Variants in DCC observed in about 807,000 individuals in gnomAD.
DCC encodes DCC netrin 1 receptor.
In DCC, 58 loss-of-function variants were observed where a neutral mutation model predicts 172.5. The ratio of observed to expected loss-of-function variants is 0.34; its 90% CI spans 0.27 to 0.42. DCC has a LOEUF of 0.42. DCC is among the 10% of genes least tolerant of loss of function. The pLI, the probability that DCC is intolerant of heterozygous loss-of-function variation, is 1.00. For synonymous variants in DCC, 709 were observed against 644.5 expected, an observed-to-expected ratio of 1.10 and a Z score of -1.52; for missense variants, 1,740 against 1,791.0, an observed-to-expected ratio of 0.97 and a Z score of 0.51.
intron 5 of DCC, among the ~76,000 whole-genome samples, chr18:52,928,445 A>T (rs1391976700): frequency 2.0e-5 from 3 of 152,206 alleles, no homozygotes; most frequent in Non-Finnish European, 4.4e-5. Flanking sequence ...ATAAAAGTTT[A>T]AAAAATTGAC....
intron 1 of DCC, among the ~76,000 whole-genome samples, chr18:52,686,453 A>G (rs143413514): frequency 6.6e-6 from 1 of 152,228 alleles, no homozygotes; most frequent in East Asian, 1.9e-4. Context: ...CCAAAGAAAC[A>G]CAACAGTATC....
At chr18:53,066,996 C>T (rs763886998) in intron 7 of DCC, among the ~76,000 whole-genome samples, 2 of 152,072 alleles carry the variant, frequency 1.3e-5, no homozygotes, top group Non-Finnish European at 2.9e-5. Flanking sequence ...AACTCAGTCA[C>T]TATCAGGAGA....
intron 12 of DCC, among the ~76,000 whole-genome samples, chr18:53,304,950 A>AG (rs1262813828): frequency 2.0e-5 from 3 of 152,176 alleles, no homozygotes; most frequent in Non-Finnish European, 4.4e-5. Flanking sequence ...AGGTAATTGA[A>AG]TCATGGGGGC....
At chr18:53,311,610 T>C (rs2057269771) in intron 13 of DCC, among the ~76,000 whole-genome samples, 1 of 152,244 alleles carries the variant, frequency 6.6e-6, no homozygotes, top group Non-Finnish European at 1.5e-5. Context: ...GTTATATAAC[T>C]TTGTAAAAGA....
At chr18:52,367,286 C>T (rs1292313390) in intron 1 of DCC, among the ~76,000 whole-genome samples, 2 of 152,226 alleles carry the variant, frequency 1.3e-5, no homozygotes, top group Non-Finnish European at 2.9e-5. Flanking sequence ...CGCGCCTCTC[C>T]CTCCACACCT....
intron 12 of DCC, among the ~76,000 whole-genome samples, chr18:53,254,829 T>G (rs1193097395): frequency 6.6e-6 from 1 of 152,106 alleles, no homozygotes; most frequent in Non-Finnish European, 1.5e-5. Context: ...TTATTAATGC[T>G]GTGCATCCAT....
intron 1 of DCC, among the ~76,000 whole-genome samples, chr18:52,669,041 C>T (rs1225190643): frequency 3.3e-5 from 5 of 152,058 alleles, no homozygotes; most frequent in Non-Finnish European, 7.4e-5. Flanking sequence ...ATCAGTCTCC[C>T]GGAGAATTTG....
At chr18:52,746,968 G>C (rs1015175583) in intron 1 of DCC, among the ~76,000 whole-genome samples, 2 of 151,134 alleles carry the variant, frequency 1.3e-5, no homozygotes, top group Non-Finnish European at 3.0e-5. Flanking sequence ...AGTGTAAGGG[G>C]AGGAGGAGGA....
chr18:52,926,743 T>C (rs560938532), intron 5 of DCC, among the ~76,000 whole-genome samples: 2 of 150,578 alleles, frequency 1.3e-5, no homozygotes, highest in South Asian at 2.1e-4. Flanking sequence ...GATAAACATA[T>C]GCAAATACTG....
At chr18:52,481,440 C>T (rs77061264) in intron 1 of DCC, among the ~76,000 whole-genome samples, 3,894 of 152,168 alleles carry the variant, frequency 0.026, 153 homozygotes, top group East Asian at 0.1. Flanking sequence ...GGGAAACTTA[C>T]ATTCCCTCTA....
intron 1 of DCC, among the ~76,000 whole-genome samples, chr18:52,737,130 T>C (rs1455718790): frequency 6.6e-6 from 1 of 152,206 alleles, no homozygotes; most frequent in Non-Finnish European, 1.5e-5. Context: ...GGAGACCATG[T>C]CTTTGCTTTG....
chr18:52,455,974 A>G (rs1988445029), intron 1 of DCC, among the ~76,000 whole-genome samples: 1 of 152,116 alleles, frequency 6.6e-6, no homozygotes, highest in Non-Finnish European at 1.5e-5. Flanking sequence ...GAAATATGAA[A>G]CAAACAAACA....
At chr18:53,285,783 C>A (rs1349193318) in intron 12 of DCC, among the ~76,000 whole-genome samples, 1 of 152,224 alleles carries the variant, frequency 6.6e-6, no homozygotes, top group Admixed American at 6.5e-5. Flanking sequence ...GAGACCGTAC[C>A]CTTCAAAGCC....
At chr18:52,491,418 G>T (rs1372264895) in intron 1 of DCC, among the ~76,000 whole-genome samples, 1 of 152,078 alleles carries the variant, frequency 6.6e-6, no homozygotes, top group Non-Finnish European at 1.5e-5. Context: ...GACATAATAT[G>T]TGAGCTAGGG....
intron 12 of DCC, among the ~76,000 whole-genome samples, chr18:53,233,437 C>T (rs140300982): frequency 2.0e-5 from 3 of 152,130 alleles, no homozygotes; most frequent in Non-Finnish European, 2.9e-5. Context: ...AGTTTTCAGT[C>T]TTTCTATACA....
At chr18:53,351,405 A>ATATATATACAGTATATATATAAAGTG (rs1568075127) in intron 15 of DCC, among the ~76,000 whole-genome samples, 2 of 12,000 alleles carry the variant, frequency 1.7e-4, no homozygotes, top group East Asian at 0.01. Context: ...TACAGTGTAT[A>ATATATATACAGTATATATATAAAGTG]TATATATATA....
intron 2 of DCC, among the ~76,000 whole-genome samples, chr18:52,831,407 G>A (rs907511390): frequency 1.3e-5 from 2 of 152,278 alleles, no homozygotes; most frequent in South Asian, 4.1e-4. Flanking sequence ...TGTTGCGCTG[G>A]AATATGGGAG....
At chr18:53,526,885 G>A (rs2046462676) in intron 28 of DCC, 126 bp downstream of exon 28, 1 of 485,706 alleles carries the variant, frequency 2.1e-6, no homozygotes, top group South Asian at 3.5e-5. Context: ...TGTTCTTATT[G>A]TTGTTTGTTC....
intron 5 of DCC, among the ~76,000 whole-genome samples, chr18:52,996,165 A>G (rs1486022382): frequency 6.6e-6 from 1 of 151,972 alleles, no homozygotes; most frequent in African/African-American, 2.4e-5. Context: ...AAAATTATGA[A>G]GTGCATACAG....
Sources: gnomAD v4.1 joint callset for allele counts (sites outside exome capture counted in the v4.1 genomes callset) on GRCh38, gnomAD v4.1.1 for gene constraint, MANE v1.5 for transcripts, NCBI Gene and HGNC (gene_info 2026-07-23, HGNC 2026-07-21) for gene names.